The following NOX4 variants were observed in gnomAD, a reference collection of about 807,000 sequenced individuals.
NOX4 encodes the protein kidney oxidase-1.
NOX4 carries 69 observed loss-of-function variants against 87.6 expected under a neutral mutation model. That is an observed-to-expected ratio of 0.79 (90% CI 0.65 to 0.96). The LOEUF is 0.96. Ranked by LOEUF, NOX4 falls within the 40% of genes least tolerant of loss-of-function variation. The pLI is 0.00. For missense variants in NOX4, 680 were observed against 681.5 expected (o/e 1.00, Z 0.02); for synonymous variants, 275 against 238.2 (o/e 1.15, Z -1.42).
intron 2 of NOX4, among the ~76,000 whole-genome samples, chr11:89,461,016 G>T (rs1456460564): frequency 6.6e-6 from 1 of 152,116 alleles, no homozygotes; most frequent in Admixed American, 6.5e-5. Context: ...TAGGGACATG[G>T]GTGAAATTGG....
intron 2 of NOX4, chr11:89,489,131 T>C (rs935590212): frequency 3.5e-6 from 2 of 569,986 alleles, no homozygotes; most frequent in Non-Finnish European, 6.2e-6. Flanking sequence ...CTTTGTTGTA[T>C]AAAAAATTAA....
At chr11:89,506,922 C>T in the NOX4 span, among the ~76,000 whole-genome samples, 3 of 151,808 alleles carry the variant, frequency 2.0e-5, no homozygotes, top group African/African-American at 7.3e-5. Context: ...TAAATGGTGT[C>T]AGGGAAACTG....
chr11:89,568,684 C>T, the NOX4 span, among the ~76,000 whole-genome samples: 1 of 152,046 alleles, frequency 6.6e-6, no homozygotes, highest in Non-Finnish European at 1.5e-5. Flanking sequence ...AAATATATTC[C>T]AAAATTTATA....
intron 11 of NOX4, among the ~76,000 whole-genome samples, chr11:89,373,850 C>T (rs1939641912): frequency 6.6e-6 from 1 of 151,880 alleles, no homozygotes; most frequent in Non-Finnish European, 1.5e-5. Flanking sequence ...AAAACTAATG[C>T]TTTTTTGTGT....
At chr11:89,552,985 G>A in the NOX4 span, among the ~76,000 whole-genome samples, 10 of 152,170 alleles carry the variant, frequency 6.6e-5, no homozygotes, top group East Asian at 9.7e-4. Context: ...AGAAATTCTT[G>A]AAGCAATGTG....
the NOX4 span, among the ~76,000 whole-genome samples, chr11:89,569,286 G>C: frequency 1.1e-4 from 17 of 151,250 alleles, no homozygotes; most frequent in African/African-American, 4.1e-4. Context: ...TAAATTGAAA[G>C]AAAAAATATT....
the NOX4 span, among the ~76,000 whole-genome samples, chr11:89,553,466 T>C: frequency 3.3e-5 from 5 of 152,172 alleles, no homozygotes; most frequent in Admixed American, 6.6e-5. Flanking sequence ...CTTTTCTTTA[T>C]AAATTACCCA....
chr11:89,421,924 G>A lies in NOX4; in HGVS notation c.607C>T (p.Leu203=), dbSNP rs757288971. 6.4e-7 allele frequency: 1 copy of A among 1,570,890 alleles called. No homozygotes were observed. The highest frequency in any genetic ancestry group is 8.6e-7 in the Non-Finnish European group (1 of 1,161,966). The change falls in exon 8 of 18, where the codon CTG becomes TTG. Residue 203 remains leucine (L), a synonymous_variant. Transcript: ENST00000263317. ...TACCCTGAAACATGCAACGTCAGCAGCATGTAGAAGACAAAGAAGAGGTTA... is the reference window on the plus strand; with the variant it reads ...TACCCTGAAACATGCAACGTCAGCAACATGTAGAAGACAAAGAAGAGGTTA... ...THNLFFVFYM[L]LTLHVSGGLL... is the part of the protein sequence containing the mutation.
At chr11:89,342,796 C>T (rs753871183) in intron 13 of NOX4, among the ~76,000 whole-genome samples, 5 of 152,042 alleles carry the variant, frequency 3.3e-5, no homozygotes, top group Non-Finnish European at 5.9e-5. Context: ...TTACTCTGCT[C>T]ATGTTTATAT....
intron 8 of NOX4, among the ~76,000 whole-genome samples, chr11:89,407,985 G>A (rs1413758523): frequency 2.0e-5 from 2 of 99,944 alleles, no homozygotes. Flanking sequence ...TTTATAATAT[G>A]ATTTTTTTTC....
intron 12 of NOX4, among the ~76,000 whole-genome samples, chr11:89,371,184 C>G (rs1939417413): frequency 6.6e-6 from 1 of 151,934 alleles, no homozygotes; most frequent in South Asian, 2.1e-4. Flanking sequence ...GCAGCTAAAT[C>G]TCTTTGAACT....
chr11:89,351,894 T>A (rs1404924066), intron 13 of NOX4, among the ~76,000 whole-genome samples: 6 of 152,154 alleles, frequency 3.9e-5, no homozygotes, highest in Non-Finnish European at 8.8e-5. Context: ...AAGAAAATAC[T>A]GCATATACAC....
intron 2 of NOX4, among the ~76,000 whole-genome samples, chr11:89,472,688 T>G (rs1057093386): frequency 7.2e-5 from 11 of 152,328 alleles, no homozygotes; most frequent in African/African-American, 1.9e-4. Context: ...GTCCCAATTT[T>G]GTCTACCTTG....
chr11:89,405,751 AG>A (rs142878525), intron 8 of NOX4, among the ~76,000 whole-genome samples: 48,651 of 133,260 alleles, frequency 0.37, 8,724 homozygotes, highest in African/African-American at 0.48. Flanking sequence ...TGGTTAAAAA[AG>A]AAAAAAAAAA....
chr11:89,360,509 T>C (rs1277664184), intron 12 of NOX4, among the ~76,000 whole-genome samples: 2 of 152,072 alleles, frequency 1.3e-5, no homozygotes, highest in African/African-American at 4.8e-5. Context: ...AGAAATTCTC[T>C]TGGAAAAAGA....
intron 2 of NOX4, among the ~76,000 whole-genome samples, chr11:89,458,877 C>A (rs975482342): frequency 6.6e-6 from 1 of 151,940 alleles, no homozygotes; most frequent in Admixed American, 6.6e-5. Flanking sequence ...TAGATCAGCC[C>A]CTGTGGAAAA....
the NOX4 span, among the ~76,000 whole-genome samples, chr11:89,562,908 A>G: frequency 6.6e-6 from 1 of 152,102 alleles, no homozygotes; most frequent in Non-Finnish European, 1.5e-5. Flanking sequence ...TGGATTATTG[A>G]GGGGATTTTC....
intron 12 of NOX4, among the ~76,000 whole-genome samples, chr11:89,369,160 T>C (rs1442734539): frequency 2.0e-5 from 3 of 152,052 alleles, no homozygotes; most frequent in African/African-American, 2.4e-5. Context: ...GGCAGAAACA[T>C]GACTGCATAA....
intron 7 of NOX4, among the ~76,000 whole-genome samples, chr11:89,431,633 A>C (rs1356165960): frequency 1.3e-5 from 2 of 152,316 alleles, no homozygotes; most frequent in Non-Finnish European, 1.5e-5. Context: ...GAGAAATGCA[A>C]ATCAAAACCA....
Sources: gnomAD v4.1 joint callset for allele counts (sites outside exome capture counted in the v4.1 genomes callset) on GRCh38, gnomAD v4.1.1 for gene constraint, MANE v1.5 for transcripts, NCBI Gene and HGNC (gene_info 2026-07-23, HGNC 2026-07-21) for gene names.